Variants in LRMDA observed in about 807,000 individuals in gnomAD.
LRMDA encodes leucine rich melanocyte differentiation associated, also known as leucine-rich melanocyte differentiation-associated protein.
LRMDA carries 18 observed loss-of-function variants against 29.8 expected under a neutral mutation model. The observed-to-expected ratio is 0.60, with a 90% confidence interval of 0.42 to 0.90. The LOEUF (loss-of-function observed/expected upper bound fraction) is 0.90. Ranked by LOEUF, LRMDA falls within the 40% of genes least tolerant of loss-of-function variation. The pLI, the probability that LRMDA is intolerant of heterozygous loss-of-function variation, is 0.00. For missense variants in LRMDA, 273 were observed against 273.9 expected (o/e 1.00, Z 0.02); for synonymous variants, 125 against 109.4 (o/e 1.14, Z -0.89).
At chr10:76,476,263 T>A (rs1842669935) in intron 6 of LRMDA, among the ~76,000 whole-genome samples, 1 of 152,138 alleles carries the variant, frequency 6.6e-6, no homozygotes, top group East Asian at 1.9e-4. Context: ...CAGAGAATAC[T>A]ATAAACACCT....
intron 6 of LRMDA, among the ~76,000 whole-genome samples, chr10:76,521,791 T>C (rs1449074732): frequency 2.0e-5 from 3 of 152,228 alleles, no homozygotes; most frequent in African/African-American, 7.2e-5. Context: ...TTTGCCCCAA[T>C]TCTCTGTTAT....
intron 5 of LRMDA, among the ~76,000 whole-genome samples, chr10:76,160,611 G>C (rs1032776027): frequency 1.3e-5 from 2 of 152,090 alleles, no homozygotes; most frequent in African/African-American, 4.8e-5. Flanking sequence ...TCATTATACT[G>C]TAGTCTCTAT....
At chr10:75,523,209 C>T (rs1845380685) in intron 2 of LRMDA, among the ~76,000 whole-genome samples, 1 of 152,222 alleles carries the variant, frequency 6.6e-6, no homozygotes, top group Admixed American at 6.5e-5. Flanking sequence ...GCTGCTACTA[C>T]TGGCTCTCCC....
chr10:76,189,535 A>G (rs1851208436), intron 5 of LRMDA, among the ~76,000 whole-genome samples: 1 of 152,176 alleles, frequency 6.6e-6, no homozygotes, highest in Admixed American at 6.5e-5. Flanking sequence ...AACCACTGAA[A>G]TCTCACTTTT....
chr10:75,526,769 G>A (rs1232664525), intron 2 of LRMDA, among the ~76,000 whole-genome samples: 1 of 151,774 alleles, frequency 6.6e-6, no homozygotes, highest in Non-Finnish European at 1.5e-5. Context: ...TAAAGCAGGA[G>A]GATGGCTGGA....
intron 6 of LRMDA, among the ~76,000 whole-genome samples, chr10:76,459,001 C>G (rs1842485894): frequency 6.6e-6 from 1 of 152,106 alleles, no homozygotes; most frequent in Admixed American, 6.6e-5. Flanking sequence ...CGGTTTTTCT[C>G]AAGCGTCTAC....
intron 6 of LRMDA, among the ~76,000 whole-genome samples, chr10:76,437,817 A>G (rs1027822268): frequency 1.8e-4 from 28 of 152,106 alleles, no homozygotes; most frequent in African/African-American, 6.8e-4. Flanking sequence ...CCACCAACCT[A>G]AGGGATGATG....
rs79419495 is a variant in LRMDA, at chr10:75,455,211, G to A, written c.131+16717G>A. On this transcript the variant is annotated intron_variant, in intron 2 of 6. Coordinates refer to ENST00000611255, the MANE Select transcript of LRMDA (RefSeq NM_001305581.2). ...GAGAGTGGGAACTGCCCAGAATAGC[G>A]TGATTTCCCCAGAACTGTCTTCAGA... 5.7e-3 allele frequency among the ~76,000 whole-genome samples: 864 copies of A among 152,264 alleles called. 12 individuals are homozygous for A. Among genetic ancestry groups the A allele is most frequent in the African/African-American group, 0.02 (815 of 41,538 alleles).
chr10:75,821,322 A>G (rs908893581), intron 2 of LRMDA, among the ~76,000 whole-genome samples: 6 of 152,264 alleles, frequency 3.9e-5, no homozygotes, highest in African/African-American at 9.6e-5. Flanking sequence ...TACTGTGATC[A>G]GGTGGGTTTT....
chr10:75,893,763 A>G (rs1845534971), intron 2 of LRMDA, among the ~76,000 whole-genome samples: 1 of 152,068 alleles, frequency 6.6e-6, no homozygotes, highest in Admixed American at 6.5e-5. Context: ...GGGAAACCCC[A>G]TCTCTACTAA....
At chr10:76,099,435 A>C (rs1849363068) in intron 5 of LRMDA, among the ~76,000 whole-genome samples, 1 of 148,648 alleles carries the variant, frequency 6.7e-6, no homozygotes, top group Non-Finnish European at 1.5e-5. Context: ...GTCTGTCTTA[A>C]TTTATTTGTT....
intron 2 of LRMDA, among the ~76,000 whole-genome samples, chr10:75,794,354 A>G (rs1248429554): frequency 6.6e-6 from 1 of 152,190 alleles, no homozygotes; most frequent in Non-Finnish European, 1.5e-5. Context: ...GGAAATTTGG[A>G]CTATTTATAG....
At chr10:76,107,011 C>T (rs755677375) in intron 5 of LRMDA, among the ~76,000 whole-genome samples, 4 of 152,178 alleles carry the variant, frequency 2.6e-5, no homozygotes, top group African/African-American at 4.8e-5. Flanking sequence ...TCTGCCCAGA[C>T]GCAACGAGAG....
chr10:76,394,292 T>C (rs193212742), intron 6 of LRMDA, among the ~76,000 whole-genome samples: 180 of 152,306 alleles, frequency 1.2e-3, no homozygotes, highest in African/African-American at 4.0e-3. Context: ...AATCTTTGCC[T>C]TCAGAGGGCA....
chr10:75,693,188 AAG>A (rs1396870728), intron 2 of LRMDA, among the ~76,000 whole-genome samples: 1 of 152,194 alleles, frequency 6.6e-6, no homozygotes, highest in African/African-American at 2.4e-5. Context: ...ATTAGATGCA[AAG>A]AGGGAGTTAT....
At chr10:76,391,487 G>T (rs994375129) in intron 6 of LRMDA, among the ~76,000 whole-genome samples, 1 of 152,148 alleles carries the variant, frequency 6.6e-6, no homozygotes, top group Non-Finnish European at 1.5e-5. Flanking sequence ...TCCATTGGTG[G>T]TTTATGTGTA....
Position 76,054,557 on chromosome 10 carries a change from G to A in LRMDA, c.399-4109G>A, listed in dbSNP as rs536179903. Among the ~76,000 whole-genome samples the A allele has an allele frequency of 4.0e-5, 6 of 151,812 alleles. No individual in the cohort carries two copies. In the South Asian group the frequency reaches 8.4e-4, roughly 21 times the overall value. On this transcript the variant is annotated intron_variant, in intron 4 of 6. Transcript: ENST00000611255. ...CCGTGAAGGCATCCTTCACTCCATC[G>A]TTAAACATTGGCTGATTTTCTAATA...
At chr10:75,903,112 T>C (rs1845702481) in intron 2 of LRMDA, among the ~76,000 whole-genome samples, 1 of 152,246 alleles carries the variant, frequency 6.6e-6, no homozygotes, top group African/African-American at 2.4e-5. Context: ...TGAATTGTGT[T>C]AAAATCAACG....
At position 75,517,291 on chromosome 10, in the gene LRMDA, A is replaced by T. The variant is rs189672438; in HGVS notation, c.131+78797A>T. 5.9e-5 allele frequency among the ~76,000 whole-genome samples: 9 copies of T among 152,314 alleles called. No homozygotes were observed. In the East Asian group the frequency reaches 1.7e-3, roughly 29 times the overall value. ...ATTGAATCTATAAATTACCTTGGGC[A>T]GTATGGCCATTTTCATGATATTGAT... On this transcript the variant is annotated intron_variant, in intron 2 of 6. Transcript: ENST00000611255.
Sources: gnomAD v4.1 joint callset for allele counts (sites outside exome capture counted in the v4.1 genomes callset) on GRCh38, gnomAD v4.1.1 for gene constraint, MANE v1.5 for transcripts, NCBI Gene and HGNC (gene_info 2026-07-23, HGNC 2026-07-21) for gene names.